The following RABGAP1L variants were observed in gnomAD, a reference collection of about 807,000 sequenced individuals.
RABGAP1L encodes the protein rab GTPase-activating protein 1-like.
Under a neutral mutation model 137.7 loss-of-function variants are expected in RABGAP1L, and 63 were observed. The ratio of observed to expected loss-of-function variants is 0.46; its 90% CI spans 0.37 to 0.56. The LOEUF (loss-of-function observed/expected upper bound fraction) is 0.56, where lower values mean the gene tolerates loss of function less well. RABGAP1L is among the 20% of genes least tolerant of loss of function. The pLI is 0.00. For synonymous variants in RABGAP1L, 431 were observed against 433.7 expected (o/e 0.99, Z 0.08); for missense variants, 1,095 against 1,244.0 (o/e 0.88, Z 1.80).
intron 18 of RABGAP1L, among the ~76,000 whole-genome samples, chr1:174,801,779 GTTTTGT>G (rs1688780253): frequency 2.3e-5 from 1 of 43,984 alleles, no homozygotes; most frequent in Non-Finnish European, 9.5e-5. Context: ...AAGGAGTTTT[GTTTTGT>G]TTTGTTTTGT....
chr1:174,759,689 G>A (rs2148698641), intron 18 of RABGAP1L, among the ~76,000 whole-genome samples: 1 of 152,272 alleles, frequency 6.6e-6, no homozygotes, highest in Middle Eastern at 3.4e-3. Flanking sequence ...TCTGGTGAGG[G>A]CCTCAGGAAG....
intron 13 of RABGAP1L, among the ~76,000 whole-genome samples, chr1:174,504,603 T>C (rs1183626347): frequency 6.6e-6 from 1 of 152,110 alleles, no homozygotes; most frequent in Non-Finnish European, 1.5e-5. Context: ...TTGACAACTA[T>C]GCCAAGAACA....
intron 18 of RABGAP1L, among the ~76,000 whole-genome samples, chr1:174,805,127 ATGCTTG>A (rs1689162337): frequency 6.6e-6 from 1 of 152,250 alleles, no homozygotes; most frequent in African/African-American, 2.4e-5. Flanking sequence ...AATATTGGAT[ATGCTTG>A]AAGTGGAGCC....
At chr1:174,597,348 A>T (rs1465539393) in intron 13 of RABGAP1L, among the ~76,000 whole-genome samples, 2 of 152,062 alleles carry the variant, frequency 1.3e-5, no homozygotes, top group African/African-American at 4.8e-5. Flanking sequence ...ATTTTCTGGG[A>T]CTTTTCTTGA....
At chr1:174,301,254 G>C (rs1043339920) in intron 10 of RABGAP1L, among the ~76,000 whole-genome samples, 3 of 151,824 alleles carry the variant, frequency 2.0e-5, no homozygotes, top group Non-Finnish European at 4.4e-5. Context: ...CTGATGTCCA[G>C]ATAGAGGACA....
chr1:174,909,178 CAA>C (rs200560738), intron 19 of RABGAP1L, among the ~76,000 whole-genome samples: 17 of 107,276 alleles, frequency 1.6e-4, no homozygotes, highest in Admixed American at 3.8e-4. Flanking sequence ...GACTCTATCT[CAA>C]AAAAAAAAAA....
chr1:174,568,757 TA>T, intron 13 of RABGAP1L, among the ~76,000 whole-genome samples: 1 of 152,262 alleles, frequency 6.6e-6, no homozygotes, highest in African/African-American at 2.4e-5. Context: ...GCAGGAACAT[TA>T]ATAAGAAGAG....
chr1:174,736,113 A>G (rs1682923191), intron 17 of RABGAP1L, among the ~76,000 whole-genome samples: 1 of 152,162 alleles, frequency 6.6e-6, no homozygotes, highest in Non-Finnish European at 1.5e-5. Flanking sequence ...TTATTCCAAC[A>G]TTAACTCAAA....
At chr1:174,418,080 T>G (rs1344768079) in intron 13 of RABGAP1L, among the ~76,000 whole-genome samples, 1 of 152,216 alleles carries the variant, frequency 6.6e-6, no homozygotes, top group East Asian at 1.9e-4. Flanking sequence ...TTTCAAATGC[T>G]GAGGCATGGC....
rs567779436 is a variant in RABGAP1L, at chr1:174,226,328, A to C, written c.332-4817A>C. The stretch of plus-strand genomic sequence containing the variant: ...GTAATCCCAGCGCTTTGGGAAGCCA[A>C]AGTGGGCGGATCACTTGAGCTCAGG... On this transcript the variant is annotated intron_variant, in intron 3 of 25. Transcript: ENST00000681986. Among the ~76,000 whole-genome samples, 293 of 152,330 alleles carry C rather than the reference A, an allele frequency of 1.9e-3. 2 individuals are homozygous for C. The highest frequency in any genetic ancestry group is 6.7e-3 in the African/African-American group (279 of 41,578).
intron 13 of RABGAP1L, among the ~76,000 whole-genome samples, chr1:174,434,999 A>G (rs1257535178): frequency 2.0e-5 from 3 of 152,112 alleles, no homozygotes; most frequent in African/African-American, 7.2e-5. Context: ...TTTTATAGTT[A>G]TTGCTTCCAG....
intron 15 of RABGAP1L, among the ~76,000 whole-genome samples, chr1:174,697,875 A>T (rs898480240): frequency 2.0e-5 from 3 of 152,266 alleles, no homozygotes; most frequent in Non-Finnish European, 4.4e-5. Context: ...AAAAGGTCTC[A>T]AACAACTCAT....
intron 20 of RABGAP1L, chr1:174,958,277 A>G (rs1668787649): frequency 9.4e-7 from 1 of 1,066,760 alleles, no homozygotes. Flanking sequence ...TCAGAATCAA[A>G]ATAATTTCAT....
At chr1:174,984,071 A>G (rs1671373518) in intron 24 of RABGAP1L, among the ~76,000 whole-genome samples, 1 of 151,696 alleles carries the variant, frequency 6.6e-6, no homozygotes, top group African/African-American at 2.4e-5. Context: ...AAAAAAAAAA[A>G]AAAAAAAGGG....
intron 18 of RABGAP1L, among the ~76,000 whole-genome samples, chr1:174,773,019 T>A (rs1007639883): frequency 6.6e-6 from 1 of 152,206 alleles, no homozygotes; most frequent in African/African-American, 2.4e-5. Context: ...TGAATCAATA[T>A]GCTCATTTTA....
In RABGAP1L at chr1:174,811,895, C is replaced by A; in HGVS notation, c.2275C>A (p.Leu759Ile). The A allele has an allele frequency of 6.2e-7, 1 of 1,609,504 alleles. No individual in the cohort carries two copies. The highest frequency in any genetic ancestry group is 8.5e-7 in the Non-Finnish European group (1 of 1,177,560). The part of the protein sequence containing the change: ...EGALKFFRVQ[L>I]PKRYRAEENA... ...TGCTTTAAAGTTCTTTAGAGTTCAG[C>A]TTCCAAAGAGATACAGGGCAGAGGA... Residue 759 changes from leucine (L) to isoleucine (I), a missense_variant, in exon 19 of 26, where the codon CTT becomes ATT. Transcript: ENST00000681986.
intron 19 of RABGAP1L, among the ~76,000 whole-genome samples, chr1:174,821,630 G>T (rs1464058673): frequency 6.6e-6 from 1 of 152,122 alleles, no homozygotes; most frequent in Non-Finnish European, 1.5e-5. Flanking sequence ...AAGAACAATT[G>T]CATTAAAAGC....
At chr1:174,506,617 A>C (rs1212847989) in intron 13 of RABGAP1L, among the ~76,000 whole-genome samples, 2 of 152,200 alleles carry the variant, frequency 1.3e-5, no homozygotes, top group Non-Finnish European at 2.9e-5. Context: ...ACAACAAAAA[A>C]ATGATAAGTA....
At chr1:174,231,971 A>ATT (rs1670698529) in intron 4 of RABGAP1L, among the ~76,000 whole-genome samples, 1 of 152,192 alleles carries the variant, frequency 6.6e-6, no homozygotes. Context: ...CATATCAACA[A>ATT]TTACGCTTAG....
Sources: gnomAD v4.1 joint callset for allele counts (sites outside exome capture counted in the v4.1 genomes callset) on GRCh38, gnomAD v4.1.1 for gene constraint, MANE v1.5 for transcripts, NCBI Gene and HGNC (gene_info 2026-07-23, HGNC 2026-07-21) for gene names.